The following B3GAT2 variants were observed in gnomAD, a reference collection of about 807,000 sequenced individuals.
The protein encoded by B3GAT2 is beta-1,3-glucuronyltransferase 2.
In B3GAT2, 26 loss-of-function variants were observed where a neutral mutation model predicts 27.8. That is an observed-to-expected ratio of 0.93 (90% CI 0.68 to 1.30). The LOEUF (loss-of-function observed/expected upper bound fraction) is 1.30, where lower values mean the gene tolerates loss of function less well. Among genes scored for constraint, B3GAT2 ranks in the 50% most tolerant of loss-of-function variants. The pLI, the probability that B3GAT2 is intolerant of heterozygous loss-of-function variation, is 0.00. For missense variants in B3GAT2, 458 were observed against 459.0 expected, an observed-to-expected ratio of 1.00 and a Z score of 0.02; for synonymous variants, 218 against 195.1, an observed-to-expected ratio of 1.12 and a Z score of -0.98.
intron 2 of B3GAT2, among the ~76,000 whole-genome samples, chr6:70,872,281 G>A (rs1374220128): frequency 2.0e-5 from 3 of 151,898 alleles, no homozygotes; most frequent in Non-Finnish European, 4.4e-5. Context: ...AGTATTGAAA[G>A]TGGGATGTTG....
At chr6:70,930,318 C>T (rs1189190250) in intron 1 of B3GAT2, among the ~76,000 whole-genome samples, 2 of 152,166 alleles carry the variant, frequency 1.3e-5, no homozygotes, top group Non-Finnish European at 2.9e-5. Context: ...AAAGCAATGG[C>T]AACAAAAGTC....
chr6:70,887,626 G>C (rs1288780843), intron 2 of B3GAT2, among the ~76,000 whole-genome samples: 1 of 152,138 alleles, frequency 6.6e-6, no homozygotes, highest in Non-Finnish European at 1.5e-5. Context: ...AGTCGGGGTG[G>C]CGGAGCCTCA....
chr6:70,881,031 G>A (rs1772091842), intron 2 of B3GAT2, among the ~76,000 whole-genome samples: 1 of 152,126 alleles, frequency 6.6e-6, no homozygotes, highest in Non-Finnish European at 1.5e-5. Context: ...TACTGAACAT[G>A]CTGGATTTAT....
chr6:70,945,448 C>T (rs993387714), intron 1 of B3GAT2, among the ~76,000 whole-genome samples: 7 of 151,482 alleles, frequency 4.6e-5, no homozygotes, highest in South Asian at 2.1e-4. Context: ...GGAGCTGATG[C>T]GATCAACTGG....
At chr6:70,896,141 G>A (rs1233741550) in intron 1 of B3GAT2, among the ~76,000 whole-genome samples, 1 of 152,108 alleles carries the variant, frequency 6.6e-6, no homozygotes, top group East Asian at 1.9e-4. Flanking sequence ...TATAATCATT[G>A]TACGCCTGTG....
At chr6:70,862,351 T>G (rs185094205) in intron 2 of B3GAT2, among the ~76,000 whole-genome samples, 1 of 152,264 alleles carries the variant, frequency 6.6e-6, no homozygotes, top group Admixed American at 6.5e-5. Context: ...CTTACCTAAC[T>G]ACATGTGGGG....
rs191870738 is a variant in B3GAT2 at position 70,894,531 on chromosome 6, A to G, written c.592-259T>C. On this transcript the variant is annotated intron_variant, in intron 1 of 3. Transcript: ENST00000230053. ...ATAAAATGGTTGTCAATATCTGGAC[A>G]TCGCTGATTTGAAGCTAAGTTGCAA... Among the ~76,000 whole-genome samples the G allele has an allele frequency of 2.2e-3, 329 of 152,346 alleles. 5 individuals carry two copies. The highest frequency in any genetic ancestry group is 7.8e-3 in the African/African-American group (326 of 41,582).
At chr6:70,908,671 T>C (rs1772638766) in intron 1 of B3GAT2, among the ~76,000 whole-genome samples, 1 of 151,970 alleles carries the variant, frequency 6.6e-6, no homozygotes, top group Non-Finnish European at 1.5e-5. Context: ...AATATAATAA[T>C]GCACAGCATA....
chr6:70,906,774 A>T (rs1582372073), intron 1 of B3GAT2, among the ~76,000 whole-genome samples: 1 of 152,206 alleles, frequency 6.6e-6, no homozygotes, highest in Admixed American at 6.5e-5. Flanking sequence ...TCCACTTAAG[A>T]TCCTTCCACC....
intron 1 of B3GAT2, among the ~76,000 whole-genome samples, chr6:70,944,639 A>G (rs1422510308): frequency 6.6e-6 from 1 of 152,186 alleles, no homozygotes; most frequent in African/African-American, 2.4e-5. Context: ...ACCTCTGAGG[A>G]CAGGGCACAG....
intron 1 of B3GAT2, among the ~76,000 whole-genome samples, chr6:70,919,601 T>G (rs564905690): frequency 6.6e-6 from 1 of 152,350 alleles, no homozygotes; most frequent in East Asian, 1.9e-4. Context: ...ATGTCCTTTT[T>G]GCTGATGTTG....
At chr6:70,949,196 T>C (rs1283270442) in intron 1 of B3GAT2, among the ~76,000 whole-genome samples, 1 of 151,724 alleles carries the variant, frequency 6.6e-6, no homozygotes, top group Non-Finnish European at 1.5e-5. Flanking sequence ...AAAGCCAAAA[T>C]TGACAAATGG....
chr6:70,884,121 A>T (rs1019756909), intron 2 of B3GAT2, among the ~76,000 whole-genome samples: 1 of 151,340 alleles, frequency 6.6e-6, no homozygotes, highest in East Asian at 1.9e-4. Flanking sequence ...AAACAAAAAA[A>T]ACCCGCAACC....
intron 2 of B3GAT2, among the ~76,000 whole-genome samples, chr6:70,891,625 C>T (rs1772289711): frequency 6.6e-6 from 1 of 152,148 alleles, no homozygotes; most frequent in Non-Finnish European, 1.5e-5. Flanking sequence ...TGCTCAAACC[C>T]ACAAATGTTC....
At position 70,956,640 on chromosome 6, in the gene B3GAT2, G is replaced by T. The variant is rs1562241127; in HGVS notation, c.-211C>A. ...GTTCGCGCAAGCTAGAGCGACAAGG[G>T]GTGCAGGCGGGCGGGCAGGGGCTGC... On this transcript the variant is annotated 5_prime_UTR_variant, in exon 1 of 4. Coordinates refer to ENST00000230053, the MANE Select transcript of B3GAT2 (RefSeq NM_080742.3). 1 of 1,414,308 alleles carries T rather than the reference G, an allele frequency of 7.1e-7. No homozygotes were observed. The highest frequency in any genetic ancestry group is 9.2e-7 in the Non-Finnish European group (1 of 1,089,740). 87.6% of individuals were successfully genotyped at this position (1,414,308 alleles called of 1,614,324 possible).
chr6:70,865,364 C>T (rs950000686), intron 2 of B3GAT2, among the ~76,000 whole-genome samples: 62 of 152,220 alleles, frequency 4.1e-4, no homozygotes, highest in Non-Finnish European at 2.9e-5. Flanking sequence ...GTTATCTGCC[C>T]CCCTCGGCCT....
intron 1 of B3GAT2, among the ~76,000 whole-genome samples, chr6:70,954,508 A>G (rs577233834): frequency 6.6e-6 from 1 of 152,352 alleles, no homozygotes; most frequent in South Asian, 2.1e-4. Context: ...TTAAACTGGA[A>G]GAGTACAGAA....
intron 1 of B3GAT2, among the ~76,000 whole-genome samples, chr6:70,921,007 C>T (rs566178661): frequency 6.6e-5 from 10 of 152,316 alleles, no homozygotes; most frequent in African/African-American, 2.2e-4. Context: ...TTAGCCTCAT[C>T]GGAATCCCTT....
chr6:70,907,774 G>T (rs979222342), intron 1 of B3GAT2, among the ~76,000 whole-genome samples: 8 of 152,170 alleles, frequency 5.3e-5, no homozygotes, highest in Non-Finnish European at 1.0e-4. Context: ...GTCACTAACT[G>T]CCCAGGAGAG....
Sources: allele counts gnomAD v4.1 joint callset (sites outside exome capture counted in the v4.1 genomes callset), GRCh38; gene constraint gnomAD v4.1.1; transcripts MANE v1.5; gene names NCBI Gene and HGNC (gene_info 2026-07-23, HGNC 2026-07-21).